Variants in SLC9A7 observed in about 807,000 individuals in gnomAD.
SLC9A7 encodes the protein sodium/hydrogen exchanger 7.
Under a neutral mutation model 52.6 loss-of-function variants are expected in SLC9A7, and 19 were observed. The observed-to-expected ratio is 0.36, with a 90% CI of 0.25 to 0.53. The LOEUF (loss-of-function observed/expected upper bound fraction) is 0.53. SLC9A7 is among the 20% of genes least tolerant of loss of function. The pLI, the probability that SLC9A7 is intolerant of heterozygous loss-of-function variation, is 0.91. For synonymous variants in SLC9A7, 226 were observed against 252.1 expected (o/e 0.90, Z 0.98); for missense variants, 455 against 597.9 (o/e 0.76, Z 2.49).
In SLC9A7 at chrX:46,600,124, C is replaced by T. The variant is rs760564447; in HGVS notation, c.*6828G>A. On this transcript the variant is annotated 3_prime_UTR_variant, in exon 17 of 17. Coordinates refer to ENST00000616978, the MANE Select transcript of SLC9A7 (RefSeq NM_001257291.2). The stretch of plus-strand genomic sequence containing the variant: ...CCAATCCATAGACTTAACACCCACA[C>T]AACTGAAAATCATCCCTCTGCTTCT... 8.9e-6 allele frequency: 1 copy of T among 112,093 alleles called. No individual in the cohort carries two copies. The highest frequency in any genetic ancestry group is 9.5e-5 in the Admixed American group (1 of 10,530). The allele number at this position is 112,093 out of a possible 1,213,427, so 9.2% of individuals were successfully genotyped here.
chrX:46,707,458 C>G (rs1944621663), intron 1 of SLC9A7, among the ~76,000 whole-genome samples: 1 of 111,885 alleles, frequency 8.9e-6, no homozygotes, highest in African/African-American at 3.3e-5. Context: ...CCAGCATCCT[C>G]TCAATTCTGT....
intron 1 of SLC9A7, among the ~76,000 whole-genome samples, chrX:46,751,429 C>T (rs1034260583): frequency 9.0e-6 from 1 of 111,400 alleles, no homozygotes; most frequent in Non-Finnish European, 1.9e-5. Context: ...AGAGAAAATT[C>T]TCCTAACACA....
At chrX:46,691,646 G>A (rs1257416059) in intron 1 of SLC9A7, among the ~76,000 whole-genome samples, 2 of 111,939 alleles carry the variant, frequency 1.8e-5, no homozygotes, top group African/African-American at 6.5e-5. Context: ...ATTTTCCTTT[G>A]CATCATCTCT....
chrX:46,633,205 G>C (rs903417971), intron 13 of SLC9A7, among the ~76,000 whole-genome samples: 1 of 107,108 alleles, frequency 9.3e-6, no homozygotes, highest in Non-Finnish European at 1.9e-5. Context: ...AGAACCTCCT[G>C]GGCCCTGCCA....
chrX:46,700,785 A>G (rs779401492), intron 1 of SLC9A7, among the ~76,000 whole-genome samples: 1 of 112,181 alleles, frequency 8.9e-6, no homozygotes, highest in Non-Finnish European at 1.9e-5. Context: ...ACCATCAACA[A>G]CATCCCTATT....
Position 46,618,438 on chromosome X carries a change from A to AT in SLC9A7, c.1823+2538dup, listed in dbSNP as rs749137399. On this transcript the variant is annotated intron_variant, in intron 15 of 16. Transcript: ENST00000616978. The stretch of plus-strand genomic sequence containing the variant: ...GCAGAGCATCTCAAATTATCTCTAG[A>AT]TTTTTTTTCTAGAGAAAAAATTGCC... Among the ~76,000 whole-genome samples, 415 of 110,823 alleles carry AT rather than the reference A, an allele frequency of 3.7e-3. 1 individual carries two copies. Among genetic ancestry groups the AT allele is most frequent in the Middle Eastern group, 0.014 (3 of 219 alleles).
intron 14 of SLC9A7, 111 bp downstream of exon 14, chrX:46,631,475 C>T (rs1322360541): frequency 1.4e-5 from 8 of 580,490 alleles, no homozygotes; most frequent in Non-Finnish European, 1.1e-5. Context: ...GAGCAGTACA[C>T]GCTTCATAAG....
rs953373681 is a variant in SLC9A7, at chrX:46,648,557, C to T, written c.1462+129G>A. ...AACATGTACATCTGTCTATTTCTCA[C>T]TGCAGGGGATACAAACGGACCAGAA... On this transcript the variant is annotated intron_variant, in intron 11 of 16. Transcript: ENST00000616978. The T allele has an allele frequency of 6.0e-6, 3 of 503,257 alleles. No individual in the cohort carries two copies. In the African/African-American group the frequency reaches 7.0e-5, roughly 12 times the overall value. 41.5% of individuals were successfully genotyped at this position (503,257 alleles called of 1,213,427 possible). A position where few individuals can be genotyped will look rare whatever the true frequency, so the allele number is the denominator to read the frequency against.
At chrX:46,672,863 AC>A (rs1473489420) in intron 3 of SLC9A7, among the ~76,000 whole-genome samples, 1 of 112,452 alleles carries the variant, frequency 8.9e-6, no homozygotes, top group African/African-American at 3.2e-5. Flanking sequence ...AAATTTTCAG[AC>A]AAAACTGCTC....
At chrX:46,625,323 C>CTA (rs1943108358) in intron 14 of SLC9A7, among the ~76,000 whole-genome samples, 2 of 109,315 alleles carry the variant, frequency 1.8e-5, no homozygotes, top group African/African-American at 3.3e-5. Flanking sequence ...ACAGCCTAAT[C>CTA]CCTGGATCCT....
chrX:46,617,819 A>C lies in SLC9A7; in HGVS notation c.1823+3158T>G, dbSNP rs578017774. On this transcript the variant is annotated intron_variant, in intron 15 of 16. Transcript: ENST00000616978. ...TAGCACTGTGTCACTCTCCTGGTGGATACTCTTCCATTTTCTTTACATCCT... is the reference window on the plus strand; with the variant it reads ...TAGCACTGTGTCACTCTCCTGGTGGCTACTCTTCCATTTTCTTTACATCCT... Among the ~76,000 whole-genome samples the C allele has an allele frequency of 2.7e-5, 3 of 111,611 alleles. No individual in the cohort carries two copies. In the Admixed American group the frequency reaches 2.9e-4, roughly 11 times the overall value.
rs1228687802 is a variant in SLC9A7, at chrX:46,687,836, T to TAGGAG, written c.326-5302_326-5301insCTCCT. ...TTGAAACATTTCCATCTGCAGTCAC[T>TAGGAG]TCCTGCTTCCTACTCCAATTCCCAG... On this transcript the variant is annotated intron_variant, in intron 1 of 16. Transcript: ENST00000616978. Among the ~76,000 whole-genome samples, 722 of 112,130 alleles carry TAGGAG rather than the reference T, an allele frequency of 6.4e-3. 5 individuals carry two copies. Among genetic ancestry groups the TAGGAG allele is most frequent in the African/African-American group, 0.022 (693 of 30,859 alleles).
intron 15 of SLC9A7, among the ~76,000 whole-genome samples, chrX:46,618,793 A>G (rs1462536113): frequency 1.8e-5 from 2 of 110,636 alleles, no homozygotes; most frequent in African/African-American, 3.3e-5. Flanking sequence ...AAAATACAAA[A>G]ATTAGCCAGG....
intron 1 of SLC9A7, among the ~76,000 whole-genome samples, chrX:46,730,461 C>T (rs1945010128): frequency 9.5e-6 from 1 of 105,520 alleles, no homozygotes; most frequent in Non-Finnish European, 1.9e-5. Flanking sequence ...AAGTTCAAGA[C>T]CACCCTGGGA....
chrX:46,722,118 C>T (rs765651083), intron 1 of SLC9A7, among the ~76,000 whole-genome samples: 4 of 110,605 alleles, frequency 3.6e-5, no homozygotes, highest in South Asian at 3.8e-4. Context: ...TGTGTAAGGG[C>T]GAGTAGTGAG....
chrX:46,648,038 C>A (rs1476556094), intron 11 of SLC9A7, among the ~76,000 whole-genome samples: 2 of 112,627 alleles, frequency 1.8e-5, no homozygotes, highest in African/African-American at 6.5e-5. Context: ...TACTCTACTT[C>A]CACAGCTTTC....
intron 10 of SLC9A7, among the ~76,000 whole-genome samples, chrX:46,650,470 A>C (rs1358068614): frequency 9.7e-6 from 1 of 103,588 alleles, no homozygotes; most frequent in African/African-American, 3.6e-5. Context: ...TCTTCCCTTC[A>C]TTTTTCTTTT....
chrX:46,695,278 G>A (rs1377343976), intron 1 of SLC9A7, among the ~76,000 whole-genome samples: 1 of 112,771 alleles, frequency 8.9e-6, no homozygotes, highest in Non-Finnish European at 1.9e-5. Context: ...TCCTTTTCCA[G>A]TACTAGTGTT....
At chrX:46,725,277 G>T in intron 1 of SLC9A7, 1 of 1,139,894 alleles carries the variant, frequency 8.8e-7, no homozygotes, top group Non-Finnish European at 1.2e-6. Flanking sequence ...ATACAAATAA[G>T]AACTGTCTTC....
Sources: allele counts gnomAD v4.1 joint callset (sites outside exome capture counted in the v4.1 genomes callset), GRCh38; gene constraint gnomAD v4.1.1; transcripts MANE v1.5; gene names NCBI Gene and HGNC (gene_info 2026-07-23, HGNC 2026-07-21).